Variants in LPP observed in about 807,000 individuals in gnomAD.
LPP encodes lipoma-preferred partner.
In LPP, 38 loss-of-function variants were observed where a neutral mutation model predicts 60.4. That is an observed-to-expected ratio of 0.63 (90% CI 0.49 to 0.83). The LOEUF (loss-of-function observed/expected upper bound fraction) is 0.83. Among genes scored for constraint, LPP ranks in the 40% least tolerant of loss-of-function variants. The pLI, the probability that LPP is intolerant of heterozygous loss-of-function variation, is 0.00. For synonymous variants in LPP, 328 were observed against 290.8 expected (o/e 1.13, Z -1.30); for missense variants, 902 against 783.6 (o/e 1.15, Z -1.80).
chr3:188,255,114 G>A (rs1731231449), intron 2 of LPP, among the ~76,000 whole-genome samples: 1 of 152,140 alleles, frequency 6.6e-6, no homozygotes, highest in African/African-American at 2.4e-5. Flanking sequence ...TGTTTCATAG[G>A]GCAGGGTACT....
intron 2 of LPP, among the ~76,000 whole-genome samples, chr3:188,228,395 G>A (rs1347458174): frequency 6.6e-6 from 1 of 152,114 alleles, no homozygotes; most frequent in Admixed American, 6.5e-5. Context: ...TTTCCCAAAG[G>A]GTGTTCTATC....
chr3:188,592,562 T>TGTTGTTGTTTG (rs1285651859), intron 6 of LPP, among the ~76,000 whole-genome samples: 1 of 53,732 alleles, frequency 1.9e-5, no homozygotes, highest in East Asian at 5.7e-4. Flanking sequence ...TTTTTGTTTT[T>TGTTGTTGTTTG]TAAATGGAGT....
rs758761251 is a variant in LPP, at chr3:188,610,474, G to A, written c.1113+630G>A. On this transcript the variant is annotated intron_variant, in intron 7 of 11. Transcript: ENST00000617246. The surrounding 1 kb of genome is among the most constrained non-coding windows in gnomAD (Gnocchi z 4.4). ...CTTGGACAGTTTCTCCTTTGAGAAG[G>A]GGCTGCAGTATAATGCAGCTTGTTT... Among the ~76,000 whole-genome samples the A allele has an allele frequency of 6.6e-6, 1 of 152,202 alleles. No individual in the cohort carries two copies. The highest frequency in any genetic ancestry group is 1.5e-5 in the Non-Finnish European group (1 of 68,038).
At chr3:188,815,283 G>A (rs751320528) in intron 9 of LPP, among the ~76,000 whole-genome samples, 33 of 152,052 alleles carry the variant, frequency 2.2e-4, no homozygotes, top group Non-Finnish European at 4.0e-4. Context: ...AACTTTTCTG[G>A]CATTTCAATG....
At chr3:188,737,347 T>C (rs1486458740) in intron 8 of LPP, among the ~76,000 whole-genome samples, 1 of 152,158 alleles carries the variant, frequency 6.6e-6, no homozygotes, top group Admixed American at 6.5e-5. Context: ...ATTGAGGTTC[T>C]CTCTTCTGGC....
chr3:188,661,402 T>C (rs1370627498), intron 7 of LPP, among the ~76,000 whole-genome samples: 1 of 152,182 alleles, frequency 6.6e-6, no homozygotes, highest in Non-Finnish European at 1.5e-5. Context: ...TTTAGTTTTG[T>C]AAAAAACTGC....
chr3:188,827,161 T>G (rs1755773267), intron 9 of LPP, among the ~76,000 whole-genome samples: 2 of 152,148 alleles, frequency 1.3e-5, no homozygotes, highest in Admixed American at 1.3e-4. Context: ...CAACCACCTC[T>G]CAGGTCATCT....
chr3:188,396,769 C>T (rs1020966835), intron 3 of LPP, among the ~76,000 whole-genome samples: 8 of 152,122 alleles, frequency 5.3e-5, no homozygotes, highest in Non-Finnish European at 1.2e-4. Context: ...TGGCCTTGAA[C>T]AGAAAAGCAG....
intron 5 of LPP, among the ~76,000 whole-genome samples, chr3:188,502,009 T>A (rs1812062201): frequency 6.6e-6 from 1 of 152,188 alleles, no homozygotes; most frequent in Admixed American, 6.5e-5. Flanking sequence ...TTTATCCCAT[T>A]GTGCTCAGAG....
chr3:188,254,281 T>C (rs1162207151), intron 2 of LPP, among the ~76,000 whole-genome samples: 1 of 152,146 alleles, frequency 6.6e-6, no homozygotes, highest in African/African-American at 2.4e-5. Flanking sequence ...GTTCAGTAGG[T>C]GTTGCATATG....
At chr3:188,523,200 C>T (rs997219221) in intron 5 of LPP, among the ~76,000 whole-genome samples, 6 of 152,084 alleles carry the variant, frequency 3.9e-5, no homozygotes, top group Non-Finnish European at 7.4e-5. Context: ...AGCCACCGCG[C>T]CCGTCCTGAA....
In LPP at chr3:188,760,439, T is replaced by TGTGTGTGTGTGC. The variant is rs55988915; in HGVS notation, c.1410+158_1410+159insTGTGTGTGTGCG. ...GTGTGTGTGTGTGTGTGTGTGTGCGTGCGCGCATGTAAATTAGCATATTGT... is the reference window on the plus strand; with the variant it reads ...GTGTGTGTGTGTGTGTGTGTGTGCGTGTGTGTGTGTGCGCGCGCATGTAAATTAGCATATTGT... On this transcript the variant is annotated intron_variant, in intron 9 of 11. Coordinates refer to ENST00000617246, the MANE Select transcript of LPP (RefSeq NM_001375462.1). Among the ~76,000 whole-genome samples the TGTGTGTGTGTGC allele has an allele frequency of 3.5e-4, 53 of 150,040 alleles. 1 individual carries two copies. Among genetic ancestry groups the TGTGTGTGTGTGC allele is most frequent in the Middle Eastern group, 3.5e-3 (1 of 288 alleles).
chr3:188,813,565 G>A (rs1213828993), intron 9 of LPP, among the ~76,000 whole-genome samples: 1 of 152,120 alleles, frequency 6.6e-6, no homozygotes, highest in Non-Finnish European at 1.5e-5. Flanking sequence ...GTCACTGAAT[G>A]CCTACTATGT....
At chr3:188,642,816 A>G (rs1850417593) in intron 7 of LPP, among the ~76,000 whole-genome samples, 1 of 152,228 alleles carries the variant, frequency 6.6e-6, no homozygotes, top group Admixed American at 6.5e-5. Context: ...CATGCCTGTA[A>G]TCCCAGCTAC....
chr3:188,626,743 C>A (rs1351915922), intron 7 of LPP, among the ~76,000 whole-genome samples: 1 of 152,086 alleles, frequency 6.6e-6, no homozygotes, highest in Non-Finnish European at 1.5e-5. Flanking sequence ...TTTAAAGGCC[C>A]TTTCTCCAAA....
At chr3:188,277,379 G>C (rs1740348172) in intron 2 of LPP, among the ~76,000 whole-genome samples, 1 of 152,154 alleles carries the variant, frequency 6.6e-6, no homozygotes, top group East Asian at 1.9e-4. Context: ...TGTCAACTCA[G>C]AGGAACATCT....
chr3:188,305,166 T>C lies in LPP; in HGVS notation c.-66-36497T>C, dbSNP rs7649933. On this transcript the variant is annotated intron_variant, in intron 2 of 11. Transcript: ENST00000617246. ...AAGTCAATGTACTTAAAAAAATTAA[T>C]CTCTATATACCCACAAAGCCTAGCT... Among the ~76,000 whole-genome samples the C allele has an allele frequency of 9.8e-3, 1,499 of 152,268 alleles. 18 individuals are homozygous for C. Among genetic ancestry groups the C allele is most frequent in the African/African-American group, 0.034 (1,402 of 41,558 alleles).
At chr3:188,199,498 G>A (rs1730456218) in intron 1 of LPP, among the ~76,000 whole-genome samples, 2 of 152,034 alleles carry the variant, frequency 1.3e-5, no homozygotes, top group African/African-American at 4.8e-5. Flanking sequence ...AGGGTATGCA[G>A]CAGGCGCACC....
intron 6 of LPP, among the ~76,000 whole-genome samples, chr3:188,551,682 G>A (rs1828168535): frequency 6.6e-6 from 1 of 152,116 alleles, no homozygotes; most frequent in African/African-American, 2.4e-5. Context: ...GTACAGTTTG[G>A]TGTGTACTGT....
Sources: gnomAD v4.1 joint callset for allele counts (sites outside exome capture counted in the v4.1 genomes callset) on GRCh38, gnomAD v4.1.1 for gene constraint, Gnocchi (gnomAD v3.1) non-coding constraint, MANE v1.5 for transcripts, NCBI Gene and HGNC (gene_info 2026-07-23, HGNC 2026-07-21) for gene names.